PLEKHA1: variants seen among roughly 807,000 people sequenced by gnomAD.
PLEKHA1 encodes pleckstrin homology domain-containing family A member 1.
Under a neutral mutation model 52.0 loss-of-function variants are expected in PLEKHA1, and 34 were observed. The ratio of observed to expected loss-of-function variants is 0.65; its 90% confidence interval spans 0.50 to 0.87. PLEKHA1 has a LOEUF of 0.87. PLEKHA1 is among the 40% of genes least tolerant of loss of function. PLEKHA1 has a pLI of 0.00. For synonymous variants in PLEKHA1, 163 were observed against 170.7 expected, an observed-to-expected ratio of 0.95 and a Z score of 0.35; for missense variants, 497 against 504.2, an observed-to-expected ratio of 0.99 and a Z score of 0.14.
At chr10:122,381,509 C>A (rs573036184) in intron 1 of PLEKHA1, among the ~76,000 whole-genome samples, 46 of 152,286 alleles carry the variant, frequency 3.0e-4, no homozygotes, top group African/African-American at 1.1e-3. Flanking sequence ...TCTCTCTTCT[C>A]TCTTTCTTCC....
chr10:122,405,006 A>G lies in PLEKHA1; in HGVS notation c.245-1570A>G, dbSNP rs1217652876. Among the ~76,000 whole-genome samples the G allele has an allele frequency of 2.6e-5, 4 of 152,356 alleles. No individual in the cohort carries two copies. In the Middle Eastern group the frequency reaches 0.01, roughly 389 times the overall value. ...ATTGCAACAGTATAACTATTCAGAT[A>G]CTTAGCTCCTAGAATAATATTTATG... On this transcript the variant is annotated intron_variant, in intron 4 of 11. Coordinates refer to ENST00000368990, the MANE Select transcript of PLEKHA1 (RefSeq NM_001001974.4).
chr10:122,378,177 A>G (rs967386704), intron 1 of PLEKHA1, among the ~76,000 whole-genome samples: 4 of 152,190 alleles, frequency 2.6e-5, no homozygotes, highest in Non-Finnish European at 5.9e-5. Context: ...CTAATGTAGC[A>G]TCTTACCCGG....
intron 5 of PLEKHA1, among the ~76,000 whole-genome samples, chr10:122,410,287 A>T (rs1276870759): frequency 6.6e-6 from 1 of 152,226 alleles, no homozygotes; most frequent in African/African-American, 2.4e-5. Context: ...TGCCAAGATT[A>T]CATTCAGATC....
intron 5 of PLEKHA1, among the ~76,000 whole-genome samples, chr10:122,410,170 C>T (rs1296315725): frequency 6.6e-6 from 1 of 152,172 alleles, no homozygotes; most frequent in Non-Finnish European, 1.5e-5. Flanking sequence ...GTATTTCACT[C>T]ATAAATACTT....
chr10:122,406,724 T>C (rs1168334136), intron 5 of PLEKHA1, 51 bp downstream of exon 5: 13 of 1,363,632 alleles, frequency 9.5e-6, no homozygotes, highest in African/African-American at 2.9e-5. Flanking sequence ...AATTAATCTT[T>C]TCATTTTGAA....
intron 5 of PLEKHA1, among the ~76,000 whole-genome samples, chr10:122,408,286 G>A (rs1313246403): frequency 6.6e-6 from 1 of 152,090 alleles, no homozygotes; most frequent in Admixed American, 6.5e-5. Context: ...TTACCATTTT[G>A]GGGGGTCTTG....
rs1403552490 is a variant in PLEKHA1 at position 122,431,028 on chromosome 10, T to G, written c.*1090T>G. 6.6e-6 allele frequency: 1 copy of G among 152,658 alleles called. No homozygotes were observed. Among genetic ancestry groups the G allele is most frequent in the Non-Finnish European group, 1.5e-5 (1 of 68,052 alleles). The allele number at this position is 152,658 out of a possible 1,614,324, so 9.5% of individuals were successfully genotyped here. A position where few individuals can be genotyped will look rare whatever the true frequency, so the allele number is the denominator to read the frequency against. On this transcript the variant is annotated 3_prime_UTR_variant, in exon 12 of 12. Transcript: ENST00000368990. ...ATATATATGTTTTAAAAAACAAATT[T>G]GAGAATACATTTAATCATAGGGATA...
At chr10:122,421,890 G>T (rs527616782) in intron 8 of PLEKHA1, 3 of 119,686 alleles carry the variant, frequency 2.5e-5, no homozygotes, top group Admixed American at 2.2e-4. Context: ...ATGCCATTCT[G>T]TAAACAAAAG....
At chr10:122,424,041 A>C (rs1327043067) in intron 8 of PLEKHA1, 158 bp from the exon 9 acceptor site, 13 of 953,428 alleles carry the variant, frequency 1.4e-5, no homozygotes, top group Non-Finnish European at 2.0e-5. Flanking sequence ...AGCTATTCAG[A>C]TGCTGGATGG....
At chr10:122,427,225 T>C (rs549427863) in intron 11 of PLEKHA1, among the ~76,000 whole-genome samples, 194 bp downstream of exon 11, 5 of 152,276 alleles carry the variant, frequency 3.3e-5, no homozygotes, top group Non-Finnish European at 7.3e-5. Context: ...TACATAACTT[T>C]CTGTGCATTG....
chr10:122,400,997 A>G (rs1319065425), intron 4 of PLEKHA1, among the ~76,000 whole-genome samples: 1 of 152,216 alleles, frequency 6.6e-6, no homozygotes, highest in Non-Finnish European at 1.5e-5. Context: ...ATGACCTTCA[A>G]ATCTTTATTG....
chr10:122,433,066 G>C (rs1591003256), downstream of PLEKHA1: 1 of 152,152 alleles, frequency 6.6e-6, no homozygotes, highest in Middle Eastern at 3.4e-3. Context: ...CTAATCCATT[G>C]TCAGATCCTG....
At chr10:122,412,667 G>A in intron 5 of PLEKHA1, 1 of 431,632 alleles carries the variant, frequency 2.3e-6, no homozygotes, top group Non-Finnish European at 4.2e-6. Context: ...GGGTAGACAG[G>A]AGTAGTAAAG....
At position 122,393,649 on chromosome 10, in the gene PLEKHA1, T is replaced by C. The variant is rs1403581137; in HGVS notation, c.141+308T>C. On this transcript the variant is annotated intron_variant, in intron 2 of 11. Transcript: ENST00000368990. The surrounding 1 kb of genome is among the most constrained non-coding windows in gnomAD (Gnocchi z 4.5). Reference sequence around the variant, plus strand: ...CTTGAGTCACAGAAAAAAATAACAATTGAAGCTGTCCCAAAAATAAGAAAT... The same window carrying C: ...CTTGAGTCACAGAAAAAAATAACAACTGAAGCTGTCCCAAAAATAAGAAAT... Among the ~76,000 whole-genome samples the C allele has an allele frequency of 6.6e-6, 1 of 152,110 alleles. No individual in the cohort carries two copies. The highest frequency in any genetic ancestry group is 1.5e-5 in the Non-Finnish European group (1 of 68,016).
At chr10:122,420,889 G>A (rs2097251449) in intron 8 of PLEKHA1, 1 of 152,268 alleles carries the variant, frequency 6.6e-6, no homozygotes, top group Admixed American at 6.5e-5. Flanking sequence ...TCCACATGGG[G>A]AGGGGTGGTG....
chr10:122,441,551 G>A, the PLEKHA1 span: 2 of 151,910 alleles, frequency 1.3e-5, no homozygotes, highest in African/African-American at 4.8e-5. Context: ...TCTCCTATGC[G>A]ACCAGGATGG....
chr10:122,393,704 C>T lies in PLEKHA1; in HGVS notation c.141+363C>T, dbSNP rs968256183. 6.6e-6 allele frequency among the ~76,000 whole-genome samples: 1 copy of T among 152,078 alleles called. No individual in the cohort carries two copies. Among genetic ancestry groups the T allele is most frequent in the African/African-American group, 2.4e-5 (1 of 41,410 alleles). ...TTTTTGTAACATGTATTTCAAACAA[C>T]AGCTAAAATAAAGACCAGGGATAGA... is the stretch of plus-strand genomic sequence containing the variant. On this transcript the variant is annotated intron_variant, in intron 2 of 11. Coordinates refer to ENST00000368990, the MANE Select transcript of PLEKHA1 (RefSeq NM_001001974.4). The surrounding 1 kb of genome is among the most constrained non-coding windows in gnomAD (Gnocchi z 4.5).
intron 1 of PLEKHA1, among the ~76,000 whole-genome samples, chr10:122,389,135 C>T (rs2096741378): frequency 6.6e-6 from 1 of 152,192 alleles, no homozygotes; most frequent in Non-Finnish European, 1.5e-5. Flanking sequence ...TTTCAATTTA[C>T]TTTGCCCAGA....
chr10:122,434,712 T>G (rs1242847016), downstream of PLEKHA1: 1 of 68,224 alleles, frequency 1.5e-5, no homozygotes, highest in Non-Finnish European at 2.8e-5. Flanking sequence ...ATGCTATCCC[T>G]CCCCCCTCCC....
Sources: gnomAD v4.1 joint callset for allele counts (sites outside exome capture counted in the v4.1 genomes callset) on GRCh38, gnomAD v4.1.1 for gene constraint, Gnocchi (gnomAD v3.1) non-coding constraint, MANE v1.5 for transcripts, NCBI Gene and HGNC (gene_info 2026-07-23, HGNC 2026-07-21) for gene names.